ULK4: variants seen among roughly 807,000 people sequenced by gnomAD.
The protein encoded by ULK4 is unc-51 like kinase 4.
A neutral mutation model predicts 160.6 loss-of-function variants in ULK4; 133 were observed. The ratio of observed to expected loss-of-function variants is 0.83; its 90% confidence interval spans 0.72 to 0.96. The LOEUF (loss-of-function observed/expected upper bound fraction) is 0.96, where lower values mean the gene tolerates loss of function less well. Ranked by LOEUF, ULK4 falls within the 40% of genes least tolerant of loss-of-function variation. The pLI is 0.00. For synonymous variants in ULK4, 534 were observed against 539.8 expected (o/e 0.99, Z 0.15); for missense variants, 1,580 against 1,499.5 (o/e 1.05, Z -0.89).
At chr3:41,721,549 G>C (rs1039820141) in intron 22 of ULK4, among the ~76,000 whole-genome samples, 4 of 150,214 alleles carry the variant, frequency 2.7e-5, no homozygotes, top group Non-Finnish European at 5.9e-5. Flanking sequence ...TGTATTTTTA[G>C]TGGAGACCGG....
intron 32 of ULK4, among the ~76,000 whole-genome samples, chr3:41,475,948 G>A (rs2084128417): frequency 6.6e-6 from 1 of 151,202 alleles, no homozygotes; most frequent in African/African-American, 2.4e-5. Context: ...AGGGAGAAGG[G>A]AGGAAAGGAT....
chr3:41,252,911 T>A (rs1303329610), intron 35 of ULK4, among the ~76,000 whole-genome samples: 1 of 151,860 alleles, frequency 6.6e-6, no homozygotes, highest in Non-Finnish European at 1.5e-5. Context: ...GAAAAAAAAA[T>A]GATATATTAC....
At chr3:41,887,860 A>G (rs1341369805) in intron 16 of ULK4, among the ~76,000 whole-genome samples, 1 of 151,924 alleles carries the variant, frequency 6.6e-6, no homozygotes, top group Non-Finnish European at 1.5e-5. Flanking sequence ...CTTATACATC[A>G]TATTAAAAAA....
intron 32 of ULK4, among the ~76,000 whole-genome samples, chr3:41,520,552 T>C (rs1160918905): frequency 6.6e-6 from 1 of 152,220 alleles, no homozygotes; most frequent in East Asian, 1.9e-4. Context: ...TTTGAGTCCC[T>C]GTTTTTAATT....
At chr3:41,889,008 T>C (rs2148776861) in intron 16 of ULK4, among the ~76,000 whole-genome samples, 1 of 152,222 alleles carries the variant, frequency 6.6e-6, no homozygotes, top group Admixed American at 6.5e-5. Flanking sequence ...ACCAATCAAT[T>C]TAATCATTTA....
chr3:41,577,822 G>C (rs2088248562), intron 31 of ULK4, among the ~76,000 whole-genome samples: 1 of 152,204 alleles, frequency 6.6e-6, no homozygotes, highest in Non-Finnish European at 1.5e-5. Flanking sequence ...AGGGCTTATA[G>C]AGTCAAAGGT....
In ULK4 at chr3:41,470,034, A is replaced by AC. The variant is rs1395609436; in HGVS notation, c.3227-6782_3227-6781insG. ...AACAGAACAGAAAAAAAAAAAAAAA[A>AC]AAAAAAAAAAAACAAAGTATTTTTA... On this transcript the variant is annotated intron_variant, in intron 32 of 36. Transcript: ENST00000301831. Among the ~76,000 whole-genome samples the AC allele has an allele frequency of 5.4e-4, 80 of 148,210 alleles. 1 individual carries two copies. Among genetic ancestry groups the AC allele is most frequent in the African/African-American group, 1.7e-3 (70 of 40,484 alleles).
chr3:41,572,122 T>G (rs1235881732), intron 31 of ULK4, among the ~76,000 whole-genome samples: 1 of 152,200 alleles, frequency 6.6e-6, no homozygotes, highest in Non-Finnish European at 1.5e-5. Context: ...TGAAGTCAAG[T>G]GTAACTTGCC....
Position 41,306,502 on chromosome 3 carries a change from C to T in ULK4, c.3679-56928G>A, listed in dbSNP as rs1471376412. ...GGGGTCAGCCCCCCGCCCGGCCAGC[C>T]GCCCCATCCGGGAGGGAGGTGGGGG... On this transcript the variant is annotated intron_variant, in intron 35 of 36. Transcript: ENST00000301831. Among the ~76,000 whole-genome samples the T allele has an allele frequency of 5.4e-5, 8 of 148,642 alleles. No homozygotes were observed. In the East Asian group the frequency reaches 6.1e-4, roughly 11 times the overall value.
intron 18 of ULK4, among the ~76,000 whole-genome samples, chr3:41,825,110 G>A (rs1355380779): frequency 6.6e-6 from 1 of 152,192 alleles, no homozygotes; most frequent in East Asian, 1.9e-4. Flanking sequence ...GGTCCTGTCT[G>A]TTAGAAGGAA....
intron 30 of ULK4, among the ~76,000 whole-genome samples, chr3:41,627,546 C>T (rs911559632): frequency 6.6e-6 from 1 of 152,216 alleles, no homozygotes; most frequent in Admixed American, 6.5e-5. Flanking sequence ...CTCTGCCTTT[C>T]GGGCATCCAC....
intron 31 of ULK4, among the ~76,000 whole-genome samples, chr3:41,568,709 C>G (rs865812698): frequency 6.6e-6 from 1 of 152,100 alleles, no homozygotes; most frequent in South Asian, 2.1e-4. Context: ...CTTCTGTGAC[C>G]AAATGTGTGG....
chr3:41,650,313 C>T (rs1418782343), intron 30 of ULK4, among the ~76,000 whole-genome samples: 17 of 152,180 alleles, frequency 1.1e-4, no homozygotes, highest in South Asian at 2.1e-4. Context: ...ACCCCCTGCT[C>T]GCCATGTTGC....
intron 21 of ULK4, 143 bp downstream of exon 21, chr3:41,789,518 G>A (rs1254653755): frequency 4.1e-5 from 26 of 638,006 alleles, no homozygotes; most frequent in Admixed American, 7.6e-5. Context: ...TGAACATTCT[G>A]TGGTACAAAG....
intron 32 of ULK4, among the ~76,000 whole-genome samples, chr3:41,565,435 G>C (rs1285842129): frequency 6.6e-6 from 1 of 152,136 alleles, no homozygotes; most frequent in Non-Finnish European, 1.5e-5. Context: ...TAAGAGGATG[G>C]GAAATCCAAT....
At chr3:41,717,542 T>C (rs1322413599) in intron 23 of ULK4, among the ~76,000 whole-genome samples, 186 bp downstream of exon 23, 3 of 152,216 alleles carry the variant, frequency 2.0e-5, no homozygotes, top group Admixed American at 1.3e-4. Context: ...CATCATGTCA[T>C]TGATGCAAAA....
At chr3:41,419,930 A>T (rs766407374) in intron 34 of ULK4, among the ~76,000 whole-genome samples, 17 of 151,888 alleles carry the variant, frequency 1.1e-4, no homozygotes, top group South Asian at 4.2e-4. Context: ...GTGTTTTGGC[A>T]CTGGGCTTCC....
chr3:41,420,245 A>G (rs1321693014), intron 34 of ULK4, among the ~76,000 whole-genome samples: 1 of 151,914 alleles, frequency 6.6e-6, no homozygotes, highest in East Asian at 1.9e-4. Flanking sequence ...ATTACTTTAA[A>G]TTTATATTTT....
At chr3:41,780,237 G>A (rs920410210) in intron 21 of ULK4, among the ~76,000 whole-genome samples, 1 of 151,996 alleles carries the variant, frequency 6.6e-6, no homozygotes, top group Non-Finnish European at 1.5e-5. Flanking sequence ...GAGCCCAGGA[G>A]GCAGCGGTTT....
Sources: gnomAD v4.1 joint callset for allele counts (sites outside exome capture counted in the v4.1 genomes callset) on GRCh38, gnomAD v4.1.1 for gene constraint, MANE v1.5 for transcripts, NCBI Gene and HGNC (gene_info 2026-07-23, HGNC 2026-07-21) for gene names.